AGBL1: variants seen among roughly 807,000 people sequenced by gnomAD.
AGBL1 encodes the protein AGBL carboxypeptidase 1.
A neutral mutation model predicts 118.9 loss-of-function variants in AGBL1; 130 were observed. The ratio of observed to expected loss-of-function variants is 1.09; its 90% CI spans 0.95 to 1.26. AGBL1 has a LOEUF of 1.26. AGBL1 is among the 50% of genes most tolerant of loss of function. The pLI is 0.00. For missense variants in AGBL1, 1,584 were observed against 1,298.1 expected, an observed-to-expected ratio of 1.22 and a Z score of -3.38; for synonymous variants, 555 against 478.9, an observed-to-expected ratio of 1.16 and a Z score of -2.08.
At chr15:86,452,609 CAGAG>C (rs1013561105) in intron 18 of AGBL1, among the ~76,000 whole-genome samples, 29 of 152,148 alleles carry the variant, frequency 1.9e-4, no homozygotes. Flanking sequence ...TCCTAGTGCA[CAGAG>C]AAAGATGGGG....
chr15:86,097,207 T>C (rs1403055275), intron 1 of AGBL1, among the ~76,000 whole-genome samples: 1 of 152,224 alleles, frequency 6.6e-6, no homozygotes, highest in Non-Finnish European at 1.5e-5. Context: ...TATTTTTACA[T>C]ATTTATGGGA....
chr15:86,898,595 C>A (rs998508470), intron 22 of AGBL1, among the ~76,000 whole-genome samples: 1 of 152,076 alleles, frequency 6.6e-6, no homozygotes, highest in African/African-American at 2.4e-5. Flanking sequence ...AAGAAACTAT[C>A]AACACAGTAA....
At chr15:86,663,328 T>C (rs1463730868) in intron 21 of AGBL1, among the ~76,000 whole-genome samples, 3 of 152,224 alleles carry the variant, frequency 2.0e-5, no homozygotes, top group Non-Finnish European at 4.4e-5. Flanking sequence ...CTCAAAATGA[T>C]GTATGTAACC....
intron 10 of AGBL1, among the ~76,000 whole-genome samples, chr15:86,264,007 G>A (rs2079032688): frequency 6.6e-6 from 1 of 152,078 alleles, no homozygotes; most frequent in African/African-American, 2.4e-5. Context: ...TTTAGTAGGG[G>A]GTCTTGAAGA....
chr15:86,710,525 G>A (rs141219589), intron 22 of AGBL1, among the ~76,000 whole-genome samples: 20 of 152,180 alleles, frequency 1.3e-4, no homozygotes, highest in African/African-American at 4.8e-4. Context: ...GTGTGAGGCA[G>A]CGTAGATTTG....
Position 86,699,101 on chromosome 15 carries a change from T to G in AGBL1, c.3158+24665T>G, listed in dbSNP as rs1373302811. ...ATCTCAGGTAACATGCCTTTCATAT[T>G]TTTTTTAGTGTTTTAATGTTAACCT... On this transcript the variant is annotated intron_variant, in intron 22 of 22. Transcript: ENST00000614907. Among the ~76,000 whole-genome samples the G allele has an allele frequency of 6.6e-5, 10 of 151,948 alleles. No individual in the cohort carries two copies. In the East Asian group the frequency reaches 1.7e-3, roughly 26 times the overall value.
chr15:86,827,128 A>T (rs1311933656), intron 22 of AGBL1, among the ~76,000 whole-genome samples: 1 of 150,282 alleles, frequency 6.7e-6, no homozygotes, highest in Non-Finnish European at 1.5e-5. Context: ...AGCAGGAAAT[A>T]ACTAGACTAT....
chr15:86,955,773 G>A (rs371796061), intron 23 of AGBL1, among the ~76,000 whole-genome samples: 2 of 152,074 alleles, frequency 1.3e-5, no homozygotes, highest in East Asian at 1.9e-4. Flanking sequence ...AAATCAACTA[G>A]ACTCGATTTT....
At chr15:87,019,251 C>T (rs985931696) in intron 24 of AGBL1, among the ~76,000 whole-genome samples, 3 of 152,236 alleles carry the variant, frequency 2.0e-5, no homozygotes, top group Non-Finnish European at 2.9e-5. Context: ...AACCTGAACT[C>T]GGCTCTGGAT....
At chr15:86,917,661 G>GATTCC (rs2080440730), downstream of AGBL1, among the ~76,000 whole-genome samples, 1 of 152,166 alleles carries the variant, frequency 6.6e-6, no homozygotes, top group Non-Finnish European at 1.5e-5. This position sits in a 1 kb window ranked among gnomAD's most constrained non-coding sequence, Gnocchi z 4.8. Flanking sequence ...TAGTGAGGCG[G>GATTCC]TTTCTTGAAT....
rs572957811 is a variant in AGBL1 at position 86,381,749 on chromosome 15, C to G, written c.2375-15617C>G. ...AGAAGAGAGGGCGTGAGAGGGCTTT[C>G]CTGCAGAAGGAGGGGCCTGTGCAAA... is the stretch of plus-strand genomic sequence containing the variant. On this transcript the variant is annotated intron_variant, in intron 17 of 22. Coordinates refer to ENST00000614907, the MANE Select transcript of AGBL1 (RefSeq NM_001386094.1). Among the ~76,000 whole-genome samples the G allele has an allele frequency of 5.3e-4, 80 of 152,186 alleles. 1 individual carries two copies. The South Asian group carries it at 0.015, about 28-fold the overall frequency.
At chr15:86,895,699 A>G (rs1021229345) in intron 22 of AGBL1, among the ~76,000 whole-genome samples, 4 of 151,976 alleles carry the variant, frequency 2.6e-5, no homozygotes, top group Non-Finnish European at 4.4e-5. Flanking sequence ...TTTTATATTT[A>G]TAGAAACACT....
At chr15:86,197,862 CAG>C (rs2077840174) in intron 5 of AGBL1, among the ~76,000 whole-genome samples, 1 of 151,206 alleles carries the variant, frequency 6.6e-6, no homozygotes, top group Non-Finnish European at 1.5e-5. Flanking sequence ...GACAGAACAA[CAG>C]AGCTATTTCA....
At chr15:86,357,007 GTT>G (rs1301464140) in intron 17 of AGBL1, among the ~76,000 whole-genome samples, 3 of 152,134 alleles carry the variant, frequency 2.0e-5, no homozygotes, top group Non-Finnish European at 1.5e-5. Flanking sequence ...CGGTTTTGTT[GTT>G]TTTGTTGGGC....
At chr15:86,391,162 G>A (rs1411586062) in intron 17 of AGBL1, among the ~76,000 whole-genome samples, 1 of 151,978 alleles carries the variant, frequency 6.6e-6, no homozygotes, top group Non-Finnish European at 1.5e-5. Context: ...CTGTATACAT[G>A]TGTCAAAATT....
intron 22 of AGBL1, among the ~76,000 whole-genome samples, chr15:86,761,237 G>C (rs920433978): frequency 1.3e-5 from 2 of 152,038 alleles, no homozygotes; most frequent in African/African-American, 4.8e-5. Flanking sequence ...CAAGTTCATT[G>C]AGAACTTACT....
At chr15:86,204,154 T>G (rs1006198444) in intron 5 of AGBL1, among the ~76,000 whole-genome samples, 1 of 152,112 alleles carries the variant, frequency 6.6e-6, no homozygotes, top group Non-Finnish European at 1.5e-5. Flanking sequence ...AGCTCTAAGC[T>G]TGTCAAGCCA....
chr15:86,398,484 G>A (rs2081399789), intron 18 of AGBL1, among the ~76,000 whole-genome samples: 1 of 151,828 alleles, frequency 6.6e-6, no homozygotes, highest in Non-Finnish European at 1.5e-5. Context: ...AACCTACAAT[G>A]GAAAATGTAT....
intron 22 of AGBL1, among the ~76,000 whole-genome samples, chr15:86,766,779 G>T (rs1187958369): frequency 6.6e-6 from 1 of 151,822 alleles, no homozygotes; most frequent in Non-Finnish European, 1.5e-5. Context: ...TCAAATTTCT[G>T]CTGTCCACAA....
Sources: gnomAD v4.1 joint callset for allele counts (sites outside exome capture counted in the v4.1 genomes callset) on GRCh38, gnomAD v4.1.1 for gene constraint, Gnocchi (gnomAD v3.1) non-coding constraint, MANE v1.5 for transcripts, NCBI Gene and HGNC (gene_info 2026-07-23, HGNC 2026-07-21) for gene names.